The following THSD7B variants were observed in gnomAD, a reference collection of about 807,000 sequenced individuals.
THSD7B encodes the protein thrombospondin type 1 domain containing 7B, also known as thrombospondin type-1 domain-containing protein 7B.
In THSD7B, 138 loss-of-function variants were observed where a neutral mutation model predicts 213.6. That is an observed-to-expected ratio of 0.65 (90% CI 0.56 to 0.74). THSD7B has a LOEUF of 0.74. Among genes scored for constraint, THSD7B ranks in the 30% least tolerant of loss-of-function variants. The pLI, the probability that THSD7B is intolerant of heterozygous loss-of-function variation, is 0.00. For missense variants in THSD7B, 1,931 were observed against 1,991.5 expected (o/e 0.97, Z 0.58); for synonymous variants, 742 against 687.0 (o/e 1.08, Z -1.25).
chr2:137,656,958 G>T lies in THSD7B; in HGVS notation c.4268G>T (p.Arg1423Leu), dbSNP rs374590768. The T allele has an allele frequency of 6.8e-6, 11 of 1,613,660 alleles. No individual in the cohort carries two copies. The highest frequency in any genetic ancestry group is 9.3e-6 in the Non-Finnish European group (11 of 1,179,826). The change falls in exon 23 of 28, where the codon CGC becomes CTC. Residue 1423 changes from arginine to leucine, a missense_variant. Arg to Leu is a moderately radical substitution (Grantham distance 102). Transcript: ENST00000409968. Reference sequence around the variant, plus strand: ...TGCCCCCAACAGGTTCTAGAAACACGCCCTTGTACAGGTACCAAGAGCACT... The same window carrying T: ...TGCCCCCAACAGGTTCTAGAAACACTCCCTTGTACAGGTACCAAGAGCACT... Reference protein sequence around the residue: ...DSCPQQVLETRPCTGGKCYHY... With the variant: ...DSCPQQVLETLPCTGGKCYHY...
chr2:137,314,815 G>T (rs994598179), intron 12 of THSD7B, among the ~76,000 whole-genome samples: 3 of 152,220 alleles, frequency 2.0e-5, no homozygotes, highest in African/African-American at 7.2e-5. Context: ...CAGTTAGGCT[G>T]CTCGGGGGTC....
At chr2:136,932,137 C>T (rs185276705) in intron 2 of THSD7B, among the ~76,000 whole-genome samples, 1 of 152,186 alleles carries the variant, frequency 6.6e-6, no homozygotes, top group African/African-American at 2.4e-5. Flanking sequence ...AAGTAACACA[C>T]TAATTATTGA....
At chr2:137,469,320 T>C (rs556199274) in intron 15 of THSD7B, among the ~76,000 whole-genome samples, 1 of 152,318 alleles carries the variant, frequency 6.6e-6, no homozygotes, top group Admixed American at 6.5e-5. Context: ...AGTTTTGTAA[T>C]GTAAAAGTGA....
At chr2:137,073,116 C>T (rs1374181147) in intron 3 of THSD7B, among the ~76,000 whole-genome samples, 3 of 152,168 alleles carry the variant, frequency 2.0e-5, no homozygotes. Flanking sequence ...ATGCTGGCCT[C>T]ATAAAATGAG....
At chr2:137,105,448 C>T (rs7369944) in intron 4 of THSD7B, among the ~76,000 whole-genome samples, 7,213 of 152,224 alleles carry the variant, frequency 0.047, 239 homozygotes, top group Middle Eastern at 0.099. Flanking sequence ...CAGCCAATAT[C>T]ATACTGAACG....
intron 15 of THSD7B, among the ~76,000 whole-genome samples, chr2:137,518,537 G>A (rs1680117947): frequency 6.6e-6 from 1 of 152,210 alleles, no homozygotes; most frequent in South Asian, 2.1e-4. Context: ...TATGTGGATG[G>A]AACTCTCTGA....
intron 12 of THSD7B, among the ~76,000 whole-genome samples, chr2:137,348,556 T>G (rs1362963246): frequency 6.6e-6 from 1 of 151,638 alleles, no homozygotes; most frequent in Non-Finnish European, 1.5e-5. Context: ...AATTCAAGCT[T>G]TGTAGCGGGT....
chr2:136,868,729 G>A (rs1331624855), intron 1 of THSD7B, among the ~76,000 whole-genome samples: 3 of 151,956 alleles, frequency 2.0e-5, no homozygotes, highest in East Asian at 1.9e-4. Flanking sequence ...TAGAGTAACC[G>A]TTAAATGTCA....
At chr2:136,811,811 CTT>C (rs1682381428) in intron 1 of THSD7B, among the ~76,000 whole-genome samples, 1 of 152,168 alleles carries the variant, frequency 6.6e-6, no homozygotes, top group Non-Finnish European at 1.5e-5. Context: ...ACAGGGGCCT[CTT>C]TTGCACATGT....
intron 2 of THSD7B, among the ~76,000 whole-genome samples, chr2:137,007,423 A>C (rs1394075596): frequency 2.0e-5 from 3 of 152,198 alleles, no homozygotes; most frequent in Admixed American, 6.5e-5. Context: ...ACTAATAGAG[A>C]TAGATGGCCA....
intron 17 of THSD7B, among the ~76,000 whole-genome samples, chr2:137,603,375 A>C (rs1682111618): frequency 6.6e-6 from 1 of 152,126 alleles, no homozygotes; most frequent in South Asian, 2.1e-4. Context: ...TCTTCCAATG[A>C]GTCCTGTGTA....
intron 20 of THSD7B, among the ~76,000 whole-genome samples, chr2:137,631,549 A>G (rs549942985): frequency 4.6e-5 from 7 of 152,136 alleles, no homozygotes; most frequent in Non-Finnish European, 8.8e-5. Flanking sequence ...TTTTGTATTA[A>G]CTCCAAAACA....
intron 4 of THSD7B, among the ~76,000 whole-genome samples, chr2:137,104,950 C>T (rs1164093525): frequency 3.9e-5 from 6 of 152,176 alleles, no homozygotes; most frequent in East Asian, 1.9e-4. Context: ...CAGGACCAAA[C>T]GGATTCACAG....
chr2:137,068,781 G>A (rs115341625), intron 3 of THSD7B, among the ~76,000 whole-genome samples: 5,288 of 151,960 alleles, frequency 0.035, 168 homozygotes, highest in Non-Finnish European at 0.049. Context: ...GACACTGTAG[G>A]GACAAGTGGC....
intron 7 of THSD7B, among the ~76,000 whole-genome samples, chr2:137,183,201 A>G (rs987102805): frequency 3.3e-5 from 5 of 152,140 alleles, no homozygotes; most frequent in African/African-American, 1.2e-4. Flanking sequence ...CTTTAGATTT[A>G]CAGAAACATT....
intron 2 of THSD7B, among the ~76,000 whole-genome samples, chr2:137,025,862 GA>G: frequency 6.6e-6 from 1 of 152,128 alleles, no homozygotes; most frequent in East Asian, 1.9e-4. Flanking sequence ...TATTAAAGGA[GA>G]AAAATAGATT....
chr2:137,111,765 TC>T, intron 4 of THSD7B, among the ~76,000 whole-genome samples: 1 of 152,298 alleles, frequency 6.6e-6, no homozygotes, highest in African/African-American at 2.4e-5. Flanking sequence ...TGATTCACAC[TC>T]TCACGTTGGT....
At chr2:136,860,233 G>A (rs765670284) in intron 1 of THSD7B, among the ~76,000 whole-genome samples, 1 of 151,950 alleles carries the variant, frequency 6.6e-6, no homozygotes. Flanking sequence ...AGGAGACAGC[G>A]ATGCGAGTAG....
At chr2:137,370,030 A>G (rs1392451128) in intron 12 of THSD7B, among the ~76,000 whole-genome samples, 1 of 152,210 alleles carries the variant, frequency 6.6e-6, no homozygotes, top group Admixed American at 6.5e-5. Flanking sequence ...AGAAAGATAA[A>G]TAATAGGTGG....
Sources: gnomAD v4.1 joint callset for allele counts (sites outside exome capture counted in the v4.1 genomes callset) on GRCh38, gnomAD v4.1.1 for gene constraint, MANE v1.5 for transcripts, NCBI Gene and HGNC (gene_info 2026-07-23, HGNC 2026-07-21) for gene names.